PCDHA8: variants seen among roughly 807,000 people sequenced by gnomAD.
PCDHA8 encodes protocadherin alpha 8.
In PCDHA8, 53 loss-of-function variants were observed where a neutral mutation model predicts 61.8. The observed-to-expected ratio is 0.86, with a 90% confidence interval of 0.69 to 1.08. The LOEUF (loss-of-function observed/expected upper bound fraction) is 1.08, where lower values mean the gene tolerates loss of function less well. PCDHA8 is among the 50% of genes least tolerant of loss of function. The probability of loss-of-function intolerance (pLI) is 0.00; values close to 1 mark genes in which losing one functional copy is unlikely to be tolerated. For synonymous variants in PCDHA8, 618 were observed against 556.6 expected, an observed-to-expected ratio of 1.11 and a Z score of -1.55; for missense variants, 1,293 against 1,245.0, an observed-to-expected ratio of 1.04 and a Z score of -0.58.
rs7710953 is a variant in PCDHA8 at position 140,852,165 on chromosome 5, C to T, written c.2394+8450C>T. On this transcript the variant is annotated intron_variant, in intron 1 of 3. Coordinates refer to ENST00000531613, the MANE Select transcript of PCDHA8 (RefSeq NM_018911.3). ...GATCAGAATGGCCTTGAGAATAGAGCCACAAAAATAACTATGAAAATGCCA... is the reference window on the plus strand; with the variant it reads ...GATCAGAATGGCCTTGAGAATAGAGTCACAAAAATAACTATGAAAATGCCA... 4.5e-3 allele frequency: 3,690 copies of T among 821,522 alleles called. 269 individuals are homozygous for T. In the African/African-American group the frequency reaches 0.065, roughly 14 times the overall value. 50.9% of individuals were successfully genotyped at this position (821,522 alleles called of 1,614,324 possible).
At chr5:140,895,273 A>T (rs2064941325) in intron 1 of PCDHA8, among the ~76,000 whole-genome samples, 2 of 151,970 alleles carry the variant, frequency 1.3e-5, no homozygotes, top group South Asian at 4.1e-4. Context: ...TTACTCAGGG[A>T]TAATTGAATT....
At chr5:140,966,962 G>T (rs370831122) in intron 1 of PCDHA8, 4 of 1,602,632 alleles carry the variant, frequency 2.5e-6, no homozygotes, top group Non-Finnish European at 3.4e-6. Context: ...TCGCGCGCTG[G>T]GGCTTGAGCT....
intron 1 of PCDHA8, chr5:140,968,827 C>T (rs1398985109): frequency 1.2e-6 from 2 of 1,614,094 alleles, no homozygotes; most frequent in Non-Finnish European, 1.7e-6. Context: ...TTTCCAAAAT[C>T]CTCCCTGACA....
At position 140,850,380 on chromosome 5, in the gene PCDHA8, G is replaced by A. The variant is rs1554144242; in HGVS notation, c.2394+6665G>A. On this transcript the variant is annotated intron_variant, in intron 1 of 3. Transcript: ENST00000531613. ...CCCGTTCCGCGTGGGGCTGTACACG[G>A]GCGAGATCAGCACAACGCGTGCCCT... 2.5e-6 allele frequency: 4 copies of A among 1,597,780 alleles called. 1 individual carries two copies. Among genetic ancestry groups the A allele is most frequent in the East Asian group, 2.2e-5 (1 of 44,840 alleles).
rs149287754 is a variant in PCDHA8, at chr5:140,962,549, G to T, written c.2395-16400G>T. Reference sequence around the variant, plus strand: ...GTTTTTTAGAACTAAAAATGTAGAGGATCTCCCCCTAAAAGCCAATTGTTA... The same window carrying T: ...GTTTTTTAGAACTAAAAATGTAGAGTATCTCCCCCTAAAAGCCAATTGTTA... On this transcript the variant is annotated intron_variant, in intron 1 of 3. Coordinates refer to ENST00000531613, the MANE Select transcript of PCDHA8 (RefSeq NM_018911.3). 1.3e-3 allele frequency among the ~76,000 whole-genome samples: 202 copies of T among 152,208 alleles called. 3 individuals carry two copies. The highest frequency in any genetic ancestry group is 4.3e-4 in the Non-Finnish European group (29 of 68,014).
Position 140,842,517 on chromosome 5 carries a change from C to T in PCDHA8, c.1196C>T (p.Ser399Phe), listed in dbSNP as rs2150337878. Residue 399 changes from serine to phenylalanine, a missense_variant, in exon 1 of 4, where the codon TCC (serine) becomes TTC (phenylalanine). Transcript: ENST00000531613. ...LMPHVPFKLVSTFKNYYSLVL... is the reference protein window; with the variant it reads ...LMPHVPFKLVFTFKNYYSLVL... ...CCCCATGTCCCCTTCAAGCTGGTGT[C>T]CACCTTCAAGAATTACTACTCGTTG... is the stretch of plus-strand genomic sequence containing the variant. 7 of 1,613,506 alleles carry T rather than the reference C, an allele frequency of 4.3e-6. No individual in the cohort carries two copies. Among genetic ancestry groups the T allele is most frequent in the South Asian group, 1.1e-5 (1 of 91,082 alleles).
At chr5:140,980,436 C>T (rs1364418994) in intron 2 of PCDHA8, among the ~76,000 whole-genome samples, 1 of 152,134 alleles carries the variant, frequency 6.6e-6, no homozygotes, top group Admixed American at 6.5e-5. Context: ...TCGAGACCAT[C>T]CTGGACAACA....
chr5:140,926,835 T>C (rs2083586569), intron 1 of PCDHA8: 4 of 1,505,630 alleles, frequency 2.7e-6, no homozygotes, highest in East Asian at 2.3e-5. Context: ...GTCCGGAGCA[T>C]GGTCCTGGGT....
chr5:140,882,870 A>T, intron 1 of PCDHA8: 1 of 1,614,196 alleles, frequency 6.2e-7, no homozygotes, highest in South Asian at 1.1e-5. Flanking sequence ...AAAACACTGG[A>T]CAGAGAGGAA....
rs141558342 is a variant in PCDHA8 at position 140,862,206 on chromosome 5, T to G, written c.2394+18491T>G. The G allele has an allele frequency of 1.6e-3, 319 of 195,694 alleles. 1 individual carries two copies. The highest frequency in any genetic ancestry group is 7.0e-3 in the African/African-American group (300 of 43,022). 12.1% of individuals were successfully genotyped at this position (195,694 alleles called of 1,614,324 possible). A position where few individuals can be genotyped will look rare whatever the true frequency, so the allele number is the denominator to read the frequency against. On this transcript the variant is annotated intron_variant, in intron 1 of 3. Transcript: ENST00000531613. ...AGGCAATTCCCCAATGTTTGATCAC[T>G]GCACAGACTTGATAGAAGTCTTGGA...
intron 1 of PCDHA8, among the ~76,000 whole-genome samples, chr5:140,918,519 G>A (rs2078736782): frequency 6.6e-6 from 1 of 152,068 alleles, no homozygotes. Flanking sequence ...AACTTATTGA[G>A]GATTGTTTTA....
At chr5:140,913,440 T>A (rs2076337142) in intron 1 of PCDHA8, among the ~76,000 whole-genome samples, 1 of 152,224 alleles carries the variant, frequency 6.6e-6, no homozygotes, top group Non-Finnish European at 1.5e-5. Context: ...GCCTCCTTTT[T>A]CAGCTCCGAT....
intron 2 of PCDHA8, among the ~76,000 whole-genome samples, chr5:140,981,681 C>T (rs1187108666): frequency 6.6e-6 from 1 of 152,064 alleles, no homozygotes; most frequent in Non-Finnish European, 1.5e-5. Context: ...TTCCTTCCTC[C>T]CTTCCATCAT....
At chr5:140,967,697 G>A (rs1554229803) in intron 1 of PCDHA8, 1 of 1,614,196 alleles carries the variant, frequency 6.2e-7, no homozygotes, top group Admixed American at 1.7e-5. Flanking sequence ...CTTCAGCATA[G>A]ATGCCAGTAC....
intron 1 of PCDHA8, among the ~76,000 whole-genome samples, chr5:140,972,133 C>T (rs532498360): frequency 2.0e-5 from 3 of 152,072 alleles, no homozygotes; most frequent in East Asian, 3.9e-4. Flanking sequence ...CAGTGAGTTA[C>T]TACTATTTTT....
chr5:140,883,289 C>T, intron 1 of PCDHA8: 2 of 1,614,022 alleles, frequency 1.2e-6, no homozygotes, highest in African/African-American at 1.3e-5. Context: ...GGTGGAAGTA[C>T]TAGATGTAAA....
At chr5:140,928,739 G>A in intron 1 of PCDHA8, 1 of 1,614,148 alleles carries the variant, frequency 6.2e-7, no homozygotes, top group African/African-American at 1.3e-5. Flanking sequence ...GCCAATATAG[G>A]TGAGCTCCGT....
intron 1 of PCDHA8, chr5:140,869,951 C>G (rs2051525824): frequency 6.2e-7 from 1 of 1,611,984 alleles, no homozygotes. Context: ...TCCTTAATGT[C>G]AATTAAGCCC....
chr5:140,843,571 C>G lies in PCDHA8; in HGVS notation c.2250C>G (p.Tyr750Ter). ...CCAGTGCGGTGGGGAGCTGGTCATA[C>G]TCGCAACAACAGCCGCAGAGGGTGT... ...VCSSAVGSWSYSQQQPQRVCS... is the reference protein window; with the variant it reads ...VCSSAVGSWS Residue 750 changes from tyrosine (Y) to a stop codon, truncating the protein, a stop_gained, in exon 1 of 4, where the codon TAC (tyrosine) becomes TAG (stop). Transcript: ENST00000531613. LOFTEE classifies it high-confidence loss of function. The G allele has an allele frequency of 1.3e-6, 2 of 1,595,974 alleles. No individual in the cohort carries two copies. The highest frequency in any genetic ancestry group is 1.7e-6 in the Non-Finnish European group (2 of 1,165,512).
Sources: allele counts gnomAD v4.1 joint callset (sites outside exome capture counted in the v4.1 genomes callset), GRCh38; gene constraint gnomAD v4.1.1; transcripts MANE v1.5; gene names NCBI Gene and HGNC (gene_info 2026-07-23, HGNC 2026-07-21).